The following KMT2E variants were observed in gnomAD, a reference collection of about 807,000 sequenced individuals.
The protein encoded by KMT2E is histone reader KMT2E.
KMT2E carries 30 observed loss-of-function variants against 184.6 expected under a neutral mutation model. That is an observed-to-expected ratio of 0.16 (90% CI 0.12 to 0.22). The LOEUF (loss-of-function observed/expected upper bound fraction) is 0.22, where lower values mean the gene tolerates loss of function less well. Ranked by LOEUF, KMT2E falls within the 10% of genes least tolerant of loss-of-function variation. The probability of loss-of-function intolerance (pLI) is 1.00; values close to 1 mark genes in which losing one functional copy is unlikely to be tolerated. For missense variants in KMT2E, 2,023 were observed against 2,237.4 expected, an observed-to-expected ratio of 0.90 and a Z score of 1.93; for synonymous variants, 815 against 776.5, an observed-to-expected ratio of 1.05 and a Z score of -0.82.
chr7:105,030,503 C>T (rs549306777), intron 1 of KMT2E, among the ~76,000 whole-genome samples: 1 of 152,152 alleles, frequency 6.6e-6, no homozygotes, highest in Non-Finnish European at 1.5e-5. Flanking sequence ...GATAAAATGT[C>T]AACATTAGGA....
chr7:105,062,120 A>G, intron 3 of KMT2E, 44 bp from the exon 4 acceptor site: 2 of 1,250,746 alleles, frequency 1.6e-6, no homozygotes, highest in Admixed American at 1.8e-5. Context: ...TTAAGAGGAA[A>G]AAAAAAGAAT....
intron 2 of KMT2E, among the ~76,000 whole-genome samples, chr7:105,039,427 CACTAA>C (rs1184748243): frequency 1.3e-5 from 2 of 152,066 alleles, no homozygotes; most frequent in African/African-American, 4.8e-5. Context: ...ATAAGTATAC[CACTAA>C]ATATAGTATA....
intron 26 of KMT2E, 187 bp downstream of exon 26, chr7:105,111,055 A>G (rs992980302): frequency 1.4e-5 from 8 of 580,192 alleles, no homozygotes; most frequent in Non-Finnish European, 2.1e-5. Flanking sequence ...CATGTGATGG[A>G]TAACTCTGAC....
chr7:105,085,553 AAATAAAAT>A (rs79486767), intron 13 of KMT2E, among the ~76,000 whole-genome samples: 47,234 of 151,826 alleles, frequency 0.31, 7,614 homozygotes, highest in Non-Finnish European at 0.36. Context: ...CTCAAAAATA[AAATAAAAT>A]AATAATACAA....
At chr7:105,095,311 C>T (rs1798359992) in intron 15 of KMT2E, among the ~76,000 whole-genome samples, 1 of 151,654 alleles carries the variant, frequency 6.6e-6, no homozygotes, top group Non-Finnish European at 1.5e-5. Context: ...TTATGATGGA[C>T]CTTTTGAGTA....
At chr7:105,105,236 A>G in intron 17 of KMT2E, 1 of 422,880 alleles carries the variant, frequency 2.4e-6, no homozygotes, top group Non-Finnish European at 4.1e-6. Flanking sequence ...GTTCTACAAA[A>G]TAATTGGGTA....
chr7:105,019,507 A>G (rs1169174110), intron 1 of KMT2E, among the ~76,000 whole-genome samples: 1 of 152,248 alleles, frequency 6.6e-6, no homozygotes, highest in African/African-American at 2.4e-5. Flanking sequence ...GATGTGTTGC[A>G]TTAAGATGCC....
In KMT2E at chr7:105,049,180, C is replaced by G. The variant is rs114067875; in HGVS notation, c.71+8157C>G. ...TAAGTGCTGGCCAGGCGTGGTGGCT[C>G]ACACCTGTATTCCTAGCACTTTGGG... On this transcript the variant is annotated intron_variant, in intron 3 of 26. Coordinates refer to ENST00000311117, the MANE Select transcript of KMT2E (RefSeq NM_182931.3). Among the ~76,000 whole-genome samples, 1,148 of 152,202 alleles carry G rather than the reference C, an allele frequency of 7.5e-3. 12 individuals carry two copies. The highest frequency in any genetic ancestry group is 0.027 in the African/African-American group (1,122 of 41,528).
intron 2 of KMT2E, 75 bp downstream of exon 2, chr7:105,038,274 G>C (rs1002710801): frequency 1.3e-4 from 20 of 152,108 alleles, no homozygotes; most frequent in African/African-American, 4.8e-4. Flanking sequence ...TTACTTGTCA[G>C]CTGGATGACC....
rs1799535266 is a variant in KMT2E, at chr7:105,114,774, T to C, written c.*1441T>C. On this transcript the variant is annotated 3_prime_UTR_variant, in exon 27 of 27. Coordinates refer to ENST00000311117, the MANE Select transcript of KMT2E (RefSeq NM_182931.3). ...ACTTTGAACCTCTATTTATTTCCTT[T>C]TGAAAATTAGCTAATGATGGTACAT... Among the ~76,000 whole-genome samples the C allele has an allele frequency of 6.6e-6, 1 of 152,172 alleles. No individual in the cohort carries two copies. The highest frequency in any genetic ancestry group is 1.5e-5 in the Non-Finnish European group (1 of 68,024).
intron 15 of KMT2E, among the ~76,000 whole-genome samples, chr7:105,094,635 C>T (rs1798331921): frequency 6.6e-6 from 1 of 152,154 alleles, no homozygotes; most frequent in African/African-American, 2.4e-5. Flanking sequence ...TACGACGAGT[C>T]AGTAATAACA....
intron 11 of KMT2E, 25 bp downstream of exon 11, chr7:105,077,458 T>C: frequency 6.4e-7 from 1 of 1,568,354 alleles, no homozygotes; most frequent in Non-Finnish European, 8.7e-7. Flanking sequence ...TTTCCCATGT[T>C]CATTTTCTGT....
At chr7:105,071,045 GTATC>G (rs1197222414) in intron 6 of KMT2E, among the ~76,000 whole-genome samples, 1 of 152,044 alleles carries the variant, frequency 6.6e-6, no homozygotes, top group African/African-American at 2.4e-5. Flanking sequence ...ATGTAGATAT[GTATC>G]TATATATTTG....
intron 3 of KMT2E, among the ~76,000 whole-genome samples, chr7:105,054,450 GTCTGTCTGTCTATCTA>G (rs1487508697): frequency 7.5e-5 from 5 of 66,746 alleles, no homozygotes; most frequent in South Asian, 6.1e-4. Context: ...AAGTTGCTCT[GTCTGTCTGTCTATCTA>G]TCTATCTATC....
At chr7:105,073,399 G>GA (rs35148101) in intron 6 of KMT2E, among the ~76,000 whole-genome samples, 6,053 of 112,378 alleles carry the variant, frequency 0.054, 188 homozygotes, top group East Asian at 0.15. Flanking sequence ...CCTGTCTGGG[G>GA]AAAAAAAAAA....
intron 1 of KMT2E, among the ~76,000 whole-genome samples, chr7:105,021,346 G>A (rs894768926): frequency 5.3e-5 from 8 of 152,232 alleles, no homozygotes; most frequent in Admixed American, 3.3e-4. Flanking sequence ...GACAAAAGAT[G>A]AATTTGAGTA....
chr7:105,088,318 C>T (rs1365704702), intron 13 of KMT2E, among the ~76,000 whole-genome samples: 2 of 152,172 alleles, frequency 1.3e-5, no homozygotes, highest in Non-Finnish European at 2.9e-5. Context: ...GTCCTAAAAT[C>T]AAACATCTAG....
chr7:105,078,505 T>TTTTG (rs781174899), intron 11 of KMT2E, among the ~76,000 whole-genome samples: 4 of 152,098 alleles, frequency 2.6e-5, no homozygotes, highest in South Asian at 2.1e-4. Flanking sequence ...AAATGTTGAC[T>TTTTG]TTTGTTTGTT....
intron 15 of KMT2E, among the ~76,000 whole-genome samples, chr7:105,096,164 A>C (rs1170938862): frequency 6.7e-6 from 1 of 149,136 alleles, no homozygotes; most frequent in Non-Finnish European, 1.5e-5. Flanking sequence ...CTGAGGCATG[A>C]GAACCACTTG....
Sources: gnomAD v4.1 joint callset for allele counts (sites outside exome capture counted in the v4.1 genomes callset) on GRCh38, gnomAD v4.1.1 for gene constraint, MANE v1.5 for transcripts, NCBI Gene and HGNC (gene_info 2026-07-23, HGNC 2026-07-21) for gene names.